The following SEMA5A variants were observed in gnomAD, a reference collection of about 807,000 sequenced individuals.
SEMA5A encodes semaphorin 5A, also known as semaphorin-5A.
Under a neutral mutation model 135.5 loss-of-function variants are expected in SEMA5A, and 55 were observed. The ratio of observed to expected loss-of-function variants is 0.41; its 90% CI spans 0.33 to 0.51. The LOEUF is 0.51. SEMA5A is among the 20% of genes least tolerant of loss of function. The pLI is 0.37. For synonymous variants in SEMA5A, 580 were observed against 546.5 expected, an observed-to-expected ratio of 1.06 and a Z score of -0.85; for missense variants, 1,290 against 1,419.9, an observed-to-expected ratio of 0.91 and a Z score of 1.47.
chr5:9,479,472 G>A (rs1005423942), intron 1 of SEMA5A, among the ~76,000 whole-genome samples: 5 of 152,234 alleles, frequency 3.3e-5, no homozygotes, highest in South Asian at 4.2e-4. Flanking sequence ...AGCCTTGGAC[G>A]TGGGCTCTGC....
At chr5:9,432,430 C>T (rs528318810) in intron 2 of SEMA5A, among the ~76,000 whole-genome samples, 18 of 152,224 alleles carry the variant, frequency 1.2e-4, no homozygotes, top group African/African-American at 4.3e-4. Flanking sequence ...AAAGAAACAC[C>T]GTCAGCAACT....
At chr5:9,303,944 T>C (rs1264269759) in intron 5 of SEMA5A, among the ~76,000 whole-genome samples, 3 of 152,190 alleles carry the variant, frequency 2.0e-5, no homozygotes, top group Admixed American at 1.3e-4. Context: ...AAATATTCCC[T>C]TTTGTAAAAG....
At position 9,177,729 on chromosome 5, in the gene SEMA5A, G is replaced by T. The variant is rs111715640; in HGVS notation, c.1273+12538C>A. On this transcript the variant is annotated intron_variant, in intron 11 of 22. Coordinates refer to ENST00000382496, the MANE Select transcript of SEMA5A (RefSeq NM_003966.3). The stretch of plus-strand genomic sequence containing the variant: ...GCCAGGTGACCCTAAAAGACATCCT[G>T]CATCTCACAGGTTACTAGGGTTATG... Among the ~76,000 whole-genome samples the T allele has an allele frequency of 5.0e-3, 761 of 152,260 alleles. 9 individuals are homozygous for T. The highest frequency in any genetic ancestry group is 0.018 in the African/African-American group (731 of 41,560).
At chr5:9,481,559 C>T (rs1301281132) in intron 1 of SEMA5A, among the ~76,000 whole-genome samples, 2 of 152,162 alleles carry the variant, frequency 1.3e-5, no homozygotes, top group African/African-American at 4.8e-5. Flanking sequence ...CTAGAGATTT[C>T]TCCATAAGCT....
At position 9,278,358 on chromosome 5, in the gene SEMA5A, A is replaced by C. The variant is rs1312423107; in HGVS notation, c.270+40014T>G. ...TGATTGTTTCTAAAAGTGTATGTTC[A>C]TATGCATGAACAAAGAGATTATCTG... On this transcript the variant is annotated intron_variant, in intron 5 of 22. Transcript: ENST00000382496. Among the ~76,000 whole-genome samples the C allele has an allele frequency of 1.1e-4, 16 of 152,328 alleles. No homozygotes were observed. In the East Asian group the frequency reaches 2.9e-3, roughly 28 times the overall value.
intron 12 of SEMA5A, among the ~76,000 whole-genome samples, chr5:9,141,739 A>G (rs1287042636): frequency 6.6e-6 from 1 of 152,140 alleles, no homozygotes; most frequent in Non-Finnish European, 1.5e-5. Context: ...GTTTTTTGTT[A>G]GTTGGAGTAA....
chr5:9,496,667 C>T (rs1445852510), intron 1 of SEMA5A, among the ~76,000 whole-genome samples: 1 of 152,068 alleles, frequency 6.6e-6, no homozygotes, highest in African/African-American at 2.4e-5. Flanking sequence ...GTTGTTGGAA[C>T]TTAAGGTATA....
rs540788308 is a variant in SEMA5A, at chr5:9,245,858, T to C, written c.271-7968A>G. On this transcript the variant is annotated intron_variant, in intron 5 of 22. Coordinates refer to ENST00000382496, the MANE Select transcript of SEMA5A (RefSeq NM_003966.3). ...ACTATTTTAAGGAACCAAATTTATC[T>C]GATAAGAAATTTTGGGGCTGGACCT... Among the ~76,000 whole-genome samples, 92 of 152,262 alleles carry C rather than the reference T, an allele frequency of 6.0e-4. 1 individual carries two copies. In the South Asian group the frequency reaches 0.018, roughly 30 times the overall value.
chr5:9,443,951 A>G (rs1758332996), intron 1 of SEMA5A, among the ~76,000 whole-genome samples: 1 of 152,248 alleles, frequency 6.6e-6, no homozygotes, highest in African/African-American at 2.4e-5. Context: ...ACCATGGTCC[A>G]GGGAGCAGCC....
chr5:9,089,224 G>C (rs1444987542), intron 16 of SEMA5A, among the ~76,000 whole-genome samples: 2 of 152,198 alleles, frequency 1.3e-5, no homozygotes, highest in Non-Finnish European at 2.9e-5. Flanking sequence ...TCTTCTGTAA[G>C]ACATGGCGCT....
At chr5:9,522,976 T>G (rs1275556818) in intron 1 of SEMA5A, 4 of 152,188 alleles carry the variant, frequency 2.6e-5, no homozygotes, top group Admixed American at 2.0e-4. Context: ...TATTTTGAGT[T>G]TCTGTGGTCT....
intron 2 of SEMA5A, among the ~76,000 whole-genome samples, chr5:9,384,482 T>G (rs554330594): frequency 6.6e-6 from 1 of 151,974 alleles, no homozygotes; most frequent in South Asian, 2.1e-4. Flanking sequence ...CCAACCAAAA[T>G]TGTCTCTAGA....
At chr5:9,507,469 A>G (rs1006910488) in intron 1 of SEMA5A, among the ~76,000 whole-genome samples, 1 of 152,158 alleles carries the variant, frequency 6.6e-6, no homozygotes, top group Non-Finnish European at 1.5e-5. Flanking sequence ...ATGCTTTTCC[A>G]TGGTTTCTAC....
chr5:9,081,855 T>A (rs1738405120), intron 16 of SEMA5A, among the ~76,000 whole-genome samples: 1 of 152,234 alleles, frequency 6.6e-6, no homozygotes, highest in Non-Finnish European at 1.5e-5. Context: ...AAGTATCTTC[T>A]GCTTTAAGAG....
intron 5 of SEMA5A, among the ~76,000 whole-genome samples, chr5:9,302,859 T>C (rs559115073): frequency 1.3e-5 from 2 of 152,162 alleles, no homozygotes; most frequent in Non-Finnish European, 2.9e-5. Context: ...CTAATTATAA[T>C]GTAGATAGAA....
chr5:9,481,327 AG>A lies in SEMA5A; in HGVS notation c.-174-43476del, dbSNP rs140573011. 3.7e-3 allele frequency among the ~76,000 whole-genome samples: 570 copies of A among 152,304 alleles called. 3 individuals carry two copies. Among genetic ancestry groups the A allele is most frequent in the Non-Finnish European group, 5.7e-3 (385 of 68,032 alleles). On this transcript the variant is annotated intron_variant, in intron 1 of 22. Transcript: ENST00000382496. ...TAACTTTGCTCACAATTTAGGCTGC[AG>A]GAACTGCTGGAGGTCCCTGAAGTGG...
chr5:9,184,180 A>G (rs533817452), intron 11 of SEMA5A, among the ~76,000 whole-genome samples: 1 of 151,756 alleles, frequency 6.6e-6, no homozygotes, highest in South Asian at 2.1e-4. Flanking sequence ...TTTTCTCAGA[A>G]TATTGCATAA....
chr5:9,463,452 T>A (rs908149714), intron 1 of SEMA5A, among the ~76,000 whole-genome samples: 5 of 152,184 alleles, frequency 3.3e-5, no homozygotes, highest in African/African-American at 1.2e-4. Flanking sequence ...GTTAGTTTTT[T>A]TTTTATTTTT....
chr5:9,258,456 A>C (rs1293192744), intron 5 of SEMA5A, among the ~76,000 whole-genome samples: 3 of 152,110 alleles, frequency 2.0e-5, no homozygotes, highest in African/African-American at 7.2e-5. Context: ...TGTCTTCTCC[A>C]CTCGCAGGCT....
Sources: gnomAD v4.1 joint callset for allele counts (sites outside exome capture counted in the v4.1 genomes callset) on GRCh38, gnomAD v4.1.1 for gene constraint, MANE v1.5 for transcripts, NCBI Gene and HGNC (gene_info 2026-07-23, HGNC 2026-07-21) for gene names.